Variants in NEIL3 observed in about 807,000 individuals in gnomAD.
NEIL3 encodes the protein endonuclease 8-like 3.
Under a neutral mutation model 57.5 loss-of-function variants are expected in NEIL3, and 48 were observed. The ratio of observed to expected loss-of-function variants is 0.83; its 90% CI spans 0.66 to 1.06. NEIL3 has a LOEUF of 1.06. Ranked by LOEUF, NEIL3 falls within the 50% of genes least tolerant of loss-of-function variation. The pLI, the probability that NEIL3 is intolerant of heterozygous loss-of-function variation, is 0.00. For missense variants in NEIL3, 717 were observed against 739.1 expected (o/e 0.97, Z 0.35); for synonymous variants, 261 against 253.2 (o/e 1.03, Z -0.29).
At chr4:177,344,644 T>C in intron 6 of NEIL3, among the ~76,000 whole-genome samples, 1 of 151,232 alleles carries the variant, frequency 6.6e-6, no homozygotes, top group Non-Finnish European at 1.5e-5. Context: ...TCACTGCAAC[T>C]TTCGCCTCCC....
At chr4:177,352,840 AAAG>A (rs35522223) in intron 7 of NEIL3, among the ~76,000 whole-genome samples, 80 of 138,490 alleles carry the variant, frequency 5.8e-4, no homozygotes, top group Middle Eastern at 4.2e-3. Flanking sequence ...AAAAAAAAAA[AAAG>A]AAGATGTTAA....
At chr4:177,366,221 A>G (rs998341856), downstream of NEIL3, among the ~76,000 whole-genome samples, 6 of 152,234 alleles carry the variant, frequency 3.9e-5, no homozygotes, top group African/African-American at 1.4e-4. Flanking sequence ...GAAATTTACA[A>G]TGCAGGTAGA....
intron 2 of NEIL3, among the ~76,000 whole-genome samples, chr4:177,323,853 G>A (rs989301295): frequency 2.6e-5 from 4 of 152,124 alleles, no homozygotes; most frequent in Admixed American, 2.0e-4. Context: ...CTCAGCACAC[G>A]GCTGTCAGTA....
the NEIL3 span, among the ~76,000 whole-genome samples, chr4:177,369,966 C>T: frequency 6.6e-6 from 1 of 152,266 alleles, no homozygotes; most frequent in Middle Eastern, 3.4e-3. Flanking sequence ...TGGAATGTTT[C>T]AGAGAGGAAA....
chr4:177,369,030 T>A, the NEIL3 span, among the ~76,000 whole-genome samples: 1 of 152,160 alleles, frequency 6.6e-6, no homozygotes, highest in Non-Finnish European at 1.5e-5. Context: ...TAAATAAATG[T>A]TTAATTCAAT....
At chr4:177,350,692 G>A (rs766158280) in intron 6 of NEIL3, among the ~76,000 whole-genome samples, 16 of 151,948 alleles carry the variant, frequency 1.1e-4, no homozygotes, top group Non-Finnish European at 1.8e-4. Context: ...TTTCTGCATA[G>A]GTGTATTTTC....
intron 2 of NEIL3, among the ~76,000 whole-genome samples, chr4:177,332,333 T>G (rs1379926809): frequency 6.9e-6 from 1 of 145,542 alleles, no homozygotes; most frequent in African/African-American, 2.4e-5. Flanking sequence ...TGCTTCTACC[T>G]CACCTTCAAC....
rs957641951 is a variant in NEIL3 at position 177,317,840 on chromosome 4, G to A, written c.157-4619G>A. Among the ~76,000 whole-genome samples the A allele has an allele frequency of 3.2e-4, 48 of 151,706 alleles. 1 individual carries two copies. The highest frequency in any genetic ancestry group is 1.1e-3 in the African/African-American group (47 of 41,308). The stretch of plus-strand genomic sequence containing the variant: ...TCAAACTCCTGACCTCAGGTGATCC[G>A]CCTGCCTCGGCCTCCCAAAGTGCTG... On this transcript the variant is annotated intron_variant, in intron 1 of 9. Transcript: ENST00000264596.
At chr4:177,331,829 C>T (rs1734890489) in intron 2 of NEIL3, among the ~76,000 whole-genome samples, 1 of 152,152 alleles carries the variant, frequency 6.6e-6, no homozygotes, top group Non-Finnish European at 1.5e-5. Flanking sequence ...TTGAGTTTTG[C>T]TTTGTTTGGG....
At chr4:177,331,645 TATC>T (rs1414922705) in intron 2 of NEIL3, among the ~76,000 whole-genome samples, 2 of 152,162 alleles carry the variant, frequency 1.3e-5, no homozygotes, top group East Asian at 3.8e-4. Flanking sequence ...ATATGTGTCT[TATC>T]ATTTTTTTGA....
rs770052908 is a variant in NEIL3, at chr4:177,353,521, ACT to A, written c.1257_1258del (p.Pro420SerfsTer3). The A allele has an allele frequency of 2.5e-6, 4 of 1,612,860 alleles. No homozygotes were observed. The highest frequency in any genetic ancestry group is 3.4e-6 in the Non-Finnish European group (4 of 1,179,440). On this transcript the variant is annotated frameshift_variant, in exon 8 of 10. Coordinates refer to ENST00000264596, the MANE Select transcript of NEIL3 (RefSeq NM_018248.3). LOFTEE classifies it high-confidence loss of function. ...CAGATACTAGATGAGGAGTTTCAAA[ACT>A]CTCCTCCTGCTAGTGTTTGTTTGAA... is the stretch of plus-strand genomic sequence containing the variant.
At chr4:177,349,122 T>G (rs1332922781) in intron 6 of NEIL3, among the ~76,000 whole-genome samples, 3 of 150,052 alleles carry the variant, frequency 2.0e-5, no homozygotes, top group Non-Finnish European at 4.4e-5. Context: ...GACCTTGTGA[T>G]CCACACGTCT....
At chr4:177,311,066 AT>A (rs1016435970) in intron 1 of NEIL3, among the ~76,000 whole-genome samples, 34 of 151,290 alleles carry the variant, frequency 2.2e-4, no homozygotes, top group African/African-American at 7.5e-4. Flanking sequence ...CTCTGTACCT[AT>A]TTTTTTTTAT....
chr4:177,349,428 T>C (rs1308620663), intron 6 of NEIL3, among the ~76,000 whole-genome samples: 1 of 152,166 alleles, frequency 6.6e-6, no homozygotes, highest in Non-Finnish European at 1.5e-5. Flanking sequence ...CATGTGTGGC[T>C]ACATCACTGC....
downstream of NEIL3, among the ~76,000 whole-genome samples, chr4:177,367,180 C>T (rs1472606139): frequency 6.8e-6 from 1 of 147,972 alleles, no homozygotes; most frequent in Non-Finnish European, 1.5e-5. Context: ...ATTCAGATGG[C>T]TGTTTTCCTG....
intron 2 of NEIL3, among the ~76,000 whole-genome samples, chr4:177,332,654 T>C (rs1734904490): frequency 6.6e-6 from 1 of 152,178 alleles, no homozygotes; most frequent in South Asian, 2.1e-4. Context: ...ATCTTTCACA[T>C]GGGCCCACGA....
At chr4:177,315,499 G>C (rs530208325) in intron 1 of NEIL3, among the ~76,000 whole-genome samples, 2 of 152,180 alleles carry the variant, frequency 1.3e-5, no homozygotes, top group Non-Finnish European at 2.9e-5. Flanking sequence ...GGAAAGTCAA[G>C]TGTATATTGG....
At chr4:177,348,618 A>G (rs1165367777) in intron 6 of NEIL3, among the ~76,000 whole-genome samples, 1 of 152,034 alleles carries the variant, frequency 6.6e-6, no homozygotes, top group Non-Finnish European at 1.5e-5. Flanking sequence ...CCCATTCTCC[A>G]TGCTGCCCAC....
At chr4:177,367,710 T>C (rs1456587453), downstream of NEIL3, among the ~76,000 whole-genome samples, 2 of 152,190 alleles carry the variant, frequency 1.3e-5, no homozygotes, top group Admixed American at 6.5e-5. Flanking sequence ...CATTTCCTGG[T>C]ATTTCAAACC....
Sources: allele counts gnomAD v4.1 joint callset (sites outside exome capture counted in the v4.1 genomes callset), GRCh38; gene constraint gnomAD v4.1.1; transcripts MANE v1.5; gene names NCBI Gene and HGNC (gene_info 2026-07-23, HGNC 2026-07-21).